Variants in PADI4 observed in about 807,000 individuals in gnomAD.
The protein encoded by PADI4 is protein-arginine deiminase type-4.
A neutral mutation model predicts 75.0 loss-of-function variants in PADI4; 62 were observed. That is an observed-to-expected ratio of 0.83 (90% CI 0.67 to 1.02). The LOEUF (loss-of-function observed/expected upper bound fraction) is 1.02, where lower values mean the gene tolerates loss of function less well. Ranked by LOEUF, PADI4 falls within the 50% of genes least tolerant of loss-of-function variation. The probability of loss-of-function intolerance (pLI) is 0.00; values close to 1 mark genes in which losing one functional copy is unlikely to be tolerated. For synonymous variants in PADI4, 361 were observed against 348.1 expected, an observed-to-expected ratio of 1.04 and a Z score of -0.41; for missense variants, 845 against 850.5, an observed-to-expected ratio of 0.99 and a Z score of 0.08.
intron 5 of PADI4, among the ~76,000 whole-genome samples, chr1:17,339,444 G>A (rs1381366611): frequency 6.6e-6 from 1 of 152,216 alleles, no homozygotes; most frequent in Non-Finnish European, 1.5e-5. Context: ...CCGCTTTGCT[G>A]AGGTTACATC....
At chr1:17,359,519 C>G (rs1367939840) in intron 15 of PADI4, 111 bp downstream of exon 15, 3 of 1,442,210 alleles carry the variant, frequency 2.1e-6, no homozygotes, top group Non-Finnish European at 2.9e-6. Flanking sequence ...TCTCTGTAAC[C>G]GTTTGTAGCT....
At chr1:17,310,224 A>G (rs2501802) in intron 1 of PADI4, among the ~76,000 whole-genome samples, 147,024 of 152,216 alleles carry the variant, frequency 0.97, 71,196 homozygotes, top group East Asian at 1. Context: ...CCATTTTACA[A>G]AAGAGGAAAC....
chr1:17,348,100 G>T (rs773556633), intron 10 of PADI4, 52 bp downstream of exon 10: 13 of 1,169,722 alleles, frequency 1.1e-5, no homozygotes, highest in Non-Finnish European at 1.7e-5. Context: ...CTCTTGTCTT[G>T]AGACTCCCTC....
intron 1 of PADI4, among the ~76,000 whole-genome samples, chr1:17,317,432 C>G (rs1481554796): frequency 6.6e-6 from 1 of 151,728 alleles, no homozygotes; most frequent in Non-Finnish European, 1.5e-5. Context: ...CCACACCTGG[C>G]TAATTTTTTT....
intron 4 of PADI4, 30 bp downstream of exon 4, chr1:17,336,256 C>G (rs1621005): frequency 0.66 from 1,050,350 of 1,587,572 alleles, 349,626 homozygotes; most frequent in Non-Finnish European, 0.68. Flanking sequence ...TCCTTTCCTA[C>G]TTCTACTGGA....
intron 11 of PADI4, 93 bp from the exon 12 acceptor site, chr1:17,355,889 GA>G: frequency 2.4e-6 from 3 of 1,272,890 alleles, no homozygotes; most frequent in Non-Finnish European, 3.4e-6. Context: ...TCAGCTGAAG[GA>G]GAACCCTGAC....
At chr1:17,332,237 C>G (rs2074227251) in intron 2 of PADI4, among the ~76,000 whole-genome samples, 1 of 152,080 alleles carries the variant, frequency 6.6e-6, no homozygotes, top group Admixed American at 6.6e-5. Context: ...GTGATCTCCT[C>G]ATCTCAAGAT....
chr1:17,340,597 C>T (rs976307901), intron 6 of PADI4, among the ~76,000 whole-genome samples: 35 of 149,842 alleles, frequency 2.3e-4, no homozygotes, highest in African/African-American at 5.9e-4. Flanking sequence ...GCAGCTGGGG[C>T]GGAATGTGCA....
chr1:17,338,131 G>A lies in PADI4; in HGVS notation c.502G>A (p.Asp168Asn), dbSNP rs774489770. Reference sequence around the variant, plus strand: ...CGAATCTTCTGCCATGGACTGCGAGGATGATGAAGTGCTTGACAGCGAAGG... The same window carrying A: ...CGAATCTTCTGCCATGGACTGCGAGAATGATGAAGTGCTTGACAGCGAAGG... ...NLESSAMDCE[D>N]DEVLDSEDLQ... Residue 168 changes from aspartate to asparagine, a missense_variant, in exon 5 of 16, where the codon GAT (aspartate) becomes AAT (asparagine). Asp to Asn is a conservative substitution (Grantham distance 23). Coordinates refer to ENST00000375448, the MANE Select transcript of PADI4 (RefSeq NM_012387.3). 5.6e-6 allele frequency: 9 copies of A among 1,611,534 alleles called. No homozygotes were observed. The highest frequency in any genetic ancestry group is 1.7e-5 in the Admixed American group (1 of 59,990).
In PADI4 at chr1:17,348,032, C is replaced by G. The variant is rs765542991; in HGVS notation, c.1139C>G (p.Pro380Arg). 7 of 1,609,938 alleles carry G rather than the reference C, an allele frequency of 4.3e-6. No individual in the cohort carries two copies. Among genetic ancestry groups the G allele is most frequent in the Non-Finnish European group, 3.4e-6 (4 of 1,176,342 alleles). The change falls in exon 10 of 16, where the codon CCC becomes CGC. Residue 380 changes from proline (P) to arginine (R), a missense_variant. By Grantham distance (103) the Pro-to-Arg change is moderately radical. Transcript: ENST00000375448. ...SPRNRGLKEF[P>R]IKRVMGPDFG... ...AGGAACAGAGGCCTGAAGGAGTTTC[C>G]CATCAAACGCGTGATGGTACCTGCA...
rs571673351 is a variant in PADI4, at chr1:17,350,892, C to T, written c.1155+2844C>T. On this transcript the variant is annotated intron_variant, in intron 10 of 15. Transcript: ENST00000375448. The stretch of plus-strand genomic sequence containing the variant: ...TATATGGTTCCTTAGAAGGGGATGT[C>T]AAGAGCTACAGGTGCCAGGTGTGGT... Among the ~76,000 whole-genome samples the T allele has an allele frequency of 1.6e-5, 2 of 128,212 alleles. 1 individual carries two copies. The highest frequency in any genetic ancestry group is 3.5e-5 in the Non-Finnish European group (2 of 56,626). 84.1% of individuals were successfully genotyped at this position (128,212 alleles called of 152,430 possible). A position where few individuals can be genotyped will look rare whatever the true frequency, so the allele number is the denominator to read the frequency against.
At chr1:17,351,492 T>A (rs776647768) in intron 10 of PADI4, among the ~76,000 whole-genome samples, 3 of 150,186 alleles carry the variant, frequency 2.0e-5, no homozygotes, top group Non-Finnish European at 4.4e-5. Flanking sequence ...TGCCTATAGT[T>A]CCAGCTACTT....
Position 17,342,438 on chromosome 1 carries a change from A to G in PADI4, c.935+36A>G, listed in dbSNP as rs927303245. The G allele has an allele frequency of 5.4e-6, 7 of 1,284,824 alleles. No individual in the cohort carries two copies. In the African/African-American group the frequency reaches 7.3e-5, roughly 13 times the overall value. The allele number at this position is 1,284,824 out of a possible 1,614,324, so 79.6% of individuals were successfully genotyped here. A position where few individuals can be genotyped will look rare whatever the true frequency, so the allele number is the denominator to read the frequency against. ...CTGGGGTGCTGGGGTGGGTCCAGAC[A>G]ACAAAGAGCCTGAGTTCCATCCGCA... On this transcript the variant is annotated intron_variant, in intron 8 of 15. Transcript: ENST00000375448.
intron 11 of PADI4, 149 bp from the exon 12 acceptor site, chr1:17,355,834 G>A: frequency 1.4e-6 from 1 of 724,938 alleles, no homozygotes; most frequent in East Asian, 2.6e-5. Flanking sequence ...TTTCTCAAAT[G>A]TTAGGGGATA....
chr1:17,314,867 G>A (rs1038267107), intron 1 of PADI4, among the ~76,000 whole-genome samples: 8 of 152,264 alleles, frequency 5.3e-5, no homozygotes, highest in African/African-American at 1.9e-4. Flanking sequence ...ACAAGCACAT[G>A]CTGTGCCCTG....
chr1:17,355,105 G>A (rs2074737425), intron 11 of PADI4, among the ~76,000 whole-genome samples: 1 of 152,218 alleles, frequency 6.6e-6, no homozygotes, highest in South Asian at 2.1e-4. Context: ...TCCTCTCTGG[G>A]GAAGGGGCTT....
intron 10 of PADI4, among the ~76,000 whole-genome samples, chr1:17,348,943 C>T (rs372963345): frequency 6.6e-6 from 1 of 152,166 alleles, no homozygotes; most frequent in African/African-American, 2.4e-5. Flanking sequence ...AATGGCTTTC[C>T]GACAAGCATC....
chr1:17,310,827 A>G (rs920248515), intron 1 of PADI4, among the ~76,000 whole-genome samples: 1 of 152,096 alleles, frequency 6.6e-6, no homozygotes, highest in Non-Finnish European at 1.5e-5. Flanking sequence ...GACGGGGCGC[A>G]ATGGCTCACA....
At position 17,334,044 on chromosome 1, in the gene PADI4, AT is replaced by A. The variant is rs1459434454; in HGVS notation, c.340+36del. 3 of 1,344,070 alleles carry A rather than the reference AT, an allele frequency of 2.2e-6. No homozygotes were observed. The African/African-American group carries it at 4.3e-5, about 19-fold the overall frequency. 83.3% of individuals were successfully genotyped at this position (1,344,070 alleles called of 1,614,324 possible). Reference sequence around the variant, plus strand: ...AACCAGGATCCTAGAGTGCCGTCTCATCCCCTGCCCACCTCCTAATCCCTGC... The same window carrying A: ...AACCAGGATCCTAGAGTGCCGTCTCACCCCTGCCCACCTCCTAATCCCTGC... On this transcript the variant is annotated intron_variant, in intron 3 of 15. Coordinates refer to ENST00000375448, the MANE Select transcript of PADI4 (RefSeq NM_012387.3).
Sources: gnomAD v4.1 joint callset for allele counts (sites outside exome capture counted in the v4.1 genomes callset) on GRCh38, gnomAD v4.1.1 for gene constraint, MANE v1.5 for transcripts, NCBI Gene and HGNC (gene_info 2026-07-23, HGNC 2026-07-21) for gene names.